Variants in IQSEC1 observed in about 807,000 individuals in gnomAD.
IQSEC1 encodes the protein IQ motif and SEC7 domain-containing protein 1.
A neutral mutation model predicts 91.0 loss-of-function variants in IQSEC1; 31 were observed. The observed-to-expected ratio is 0.34, with a 90% CI of 0.26 to 0.46. The LOEUF (loss-of-function observed/expected upper bound fraction) is 0.46, where lower values mean the gene tolerates loss of function less well. Among genes scored for constraint, IQSEC1 ranks in the 20% least tolerant of loss-of-function variants. The pLI is 1.00. For missense variants in IQSEC1, 1,388 were observed against 1,575.6 expected (o/e 0.88, Z 2.02); for synonymous variants, 699 against 662.6 (o/e 1.05, Z -0.84).
rs1702731899 is a variant in IQSEC1, at chr3:13,008,491, G to T, written c.23+64501C>A. Among the ~76,000 whole-genome samples the T allele has an allele frequency of 6.6e-6, 1 of 152,084 alleles. No individual in the cohort carries two copies. Among genetic ancestry groups the T allele is most frequent in the South Asian group, 2.1e-4 (1 of 4,822 alleles). On this transcript the variant is annotated intron_variant, in intron 1 of 13. Coordinates refer to ENST00000613206, the MANE Select transcript of IQSEC1 (RefSeq NM_001134382.3). This position sits in a 1 kb window ranked among gnomAD's most constrained non-coding sequence, Gnocchi z 4.1. ...TGCCACCTGGCTGGCCCCCATCTTTGCTAGCCACCTCCTTCTTGCTCTCAG... is the reference window on the plus strand; with the variant it reads ...TGCCACCTGGCTGGCCCCCATCTTTTCTAGCCACCTCCTTCTTGCTCTCAG...
At chr3:12,972,322 G>T (rs1700946488) in intron 1 of IQSEC1, among the ~76,000 whole-genome samples, 1 of 151,734 alleles carries the variant, frequency 6.6e-6, no homozygotes, top group South Asian at 2.1e-4. Context: ...AAAAAAAAAA[G>T]CCAGTGAAAT....
chr3:12,911,123 G>T (rs982782917), intron 10 of IQSEC1, among the ~76,000 whole-genome samples: 1 of 152,180 alleles, frequency 6.6e-6, no homozygotes, highest in Non-Finnish European at 1.5e-5. Context: ...TATGATGGGG[G>T]CCCTGTGGCA....
chr3:13,258,553 G>A (rs1363982432), intron 1 of IQSEC1, among the ~76,000 whole-genome samples: 2 of 151,992 alleles, frequency 1.3e-5, no homozygotes, highest in African/African-American at 4.8e-5. Flanking sequence ...GGACATGGTG[G>A]TATGTGCCTG....
At chr3:13,164,453 G>C (rs1260755598) in intron 1 of IQSEC1, among the ~76,000 whole-genome samples, 1 of 152,170 alleles carries the variant, frequency 6.6e-6, no homozygotes, top group Non-Finnish European at 1.5e-5. Context: ...CAGAGGAGGG[G>C]TCTATGGTTC....
chr3:13,180,539 G>C (rs1388176316), intron 1 of IQSEC1, among the ~76,000 whole-genome samples: 1 of 152,166 alleles, frequency 6.6e-6, no homozygotes, highest in Non-Finnish European at 1.5e-5. Flanking sequence ...AATAAAAGCA[G>C]GCTGCCCGAG....
rs144969281 is a variant in IQSEC1 at position 12,941,865 on chromosome 3, G to T, written c.24C>A (p.Phe8Leu). 1.3e-6 allele frequency: 2 copies of T among 1,587,388 alleles called. No homozygotes were observed. The highest frequency in any genetic ancestry group is 1.1e-5 in the South Asian group (1 of 88,498). Residue 8 changes from phenylalanine to leucine, a missense_variant and splice_region_variant, in exon 2 of 14, where the codon TTC becomes TTA. Physicochemically the swap from Phe to Leu is conservative, Grantham distance 22 (BLOSUM62 0). Coordinates refer to ENST00000613206, the MANE Select transcript of IQSEC1 (RefSeq NM_001134382.3). MACRRRYFVEGEAPSSET... is the reference protein window; with the variant it reads MACRRRYLVEGEAPSSET... ...CACTGCTGGGGGCCTCGCCCTCGAC[G>T]CTGCAGAGGAGAGAGAGGTGAGAAG...
chr3:13,181,732 GC>G (rs1239324639), intron 1 of IQSEC1, among the ~76,000 whole-genome samples: 5 of 152,204 alleles, frequency 3.3e-5, no homozygotes, highest in African/African-American at 9.7e-5. Context: ...CCAGCACCTA[GC>G]CCAGCAAAAG....
At chr3:12,962,914 GA>G in intron 1 of IQSEC1, among the ~76,000 whole-genome samples, 1 of 152,364 alleles carries the variant, frequency 6.6e-6, no homozygotes, top group East Asian at 1.9e-4. Flanking sequence ...GATACCTGGG[GA>G]TACCAGACAT....
At chr3:13,127,572 A>C (rs35914729) in intron 2 of IQSEC1, among the ~76,000 whole-genome samples, 59,201 of 151,428 alleles carry the variant, frequency 0.39, 12,945 homozygotes, top group African/African-American at 0.6. Context: ...CCTCCTATTT[A>C]TTTTTCTTTT....
chr3:13,252,795 C>A (rs573401194), intron 1 of IQSEC1, among the ~76,000 whole-genome samples: 1 of 152,134 alleles, frequency 6.6e-6, no homozygotes, highest in Non-Finnish European at 1.5e-5. Flanking sequence ...TAGAGTGGCA[C>A]AATCTCAGCT....
chr3:12,901,153 G>A lies in IQSEC1; in HGVS notation c.3175C>T (p.His1059Tyr). 6.5e-7 allele frequency: 1 copy of A among 1,544,268 alleles called. No individual in the cohort carries two copies. ...PQHIQHAHQY[H>Y]HGPHGGHPAY... ...GGGTGGCCCCCATGGGGGCCGTGGT[G>A]GTACTGGTGTGCGTGCTGGATGTGC... Residue 1059 changes from histidine to tyrosine, a missense_variant, in exon 14 of 14, where the codon CAC becomes TAC. Physicochemically the swap from His to Tyr is moderately conservative, Grantham distance 83. This residue lies in a region of IQSEC1 where 329 missense variants were observed against 257.8 expected (regional missense o/e 1.28). Coordinates refer to ENST00000613206, the MANE Select transcript of IQSEC1 (RefSeq NM_001134382.3).
intron 2 of IQSEC1, among the ~76,000 whole-genome samples, chr3:13,140,466 C>T (rs1379638373): frequency 6.6e-6 from 1 of 152,230 alleles, no homozygotes; most frequent in Non-Finnish European, 1.5e-5. Context: ...TGAACATAGG[C>T]CAGACCATCC....
At chr3:13,149,428 T>TG (rs1207168291) in intron 2 of IQSEC1, among the ~76,000 whole-genome samples, 14 of 28,104 alleles carry the variant, frequency 5.0e-4, no homozygotes, top group East Asian at 1.7e-3. Flanking sequence ...GGGGCCGGGG[T>TG]GGGGGGGCGG....
intron 1 of IQSEC1, among the ~76,000 whole-genome samples, chr3:13,176,645 G>A (rs995176672): frequency 1.7e-4 from 26 of 152,254 alleles, no homozygotes; most frequent in South Asian, 1.0e-3. Context: ...GAGACCAGCC[G>A]GCATCTTGAA....
rs113180602 is a variant in IQSEC1, at chr3:13,055,585, C to T, written c.23+17407G>A. 9.8e-3 allele frequency among the ~76,000 whole-genome samples: 1,496 copies of T among 152,320 alleles called. 17 individuals are homozygous for T. The highest frequency in any genetic ancestry group is 0.032 in the African/African-American group (1,320 of 41,572). On this transcript the variant is annotated intron_variant, in intron 1 of 13. Transcript: ENST00000613206. ...ACTCAAAGAGTGAATCAGACAGATG[C>T]CTTCACCACCCGTGTAGAGCAGGGG...
chr3:13,187,766 G>A (rs1324758688), intron 1 of IQSEC1, among the ~76,000 whole-genome samples: 2 of 152,188 alleles, frequency 1.3e-5, no homozygotes, highest in Admixed American at 1.3e-4. Flanking sequence ...ACAGTTCTGG[G>A]GGCTGGGAAG....
chr3:13,022,576 G>A, intron 1 of IQSEC1: 1 of 489,632 alleles, frequency 2.0e-6, no homozygotes. Context: ...GGATGGGAGA[G>A]GCGAGCTCAG....
chr3:13,255,397 C>G (rs1358256047), intron 1 of IQSEC1, among the ~76,000 whole-genome samples: 2 of 152,198 alleles, frequency 1.3e-5, no homozygotes, highest in African/African-American at 4.8e-5. Flanking sequence ...GGCTGGGGCT[C>G]CCACACGCAG....
rs774547675 is a variant in IQSEC1 at position 12,935,047 on chromosome 3, C to T, written c.1568+401G>A. On this transcript the variant is annotated intron_variant, in intron 3 of 13. Coordinates refer to ENST00000613206, the MANE Select transcript of IQSEC1 (RefSeq NM_001134382.3). This position sits in a 1 kb window ranked among gnomAD's most constrained non-coding sequence, Gnocchi z 8.0. ...TGCCCCTGCCCCCCACTGACACAAC[C>T]GGTCATACCCCTGCTCAAAGGCCTT... Among the ~76,000 whole-genome samples, 6 of 150,454 alleles carry T rather than the reference C, an allele frequency of 4.0e-5. No homozygotes were observed. In the South Asian group the frequency reaches 8.5e-4, roughly 21 times the overall value.
Sources: allele counts gnomAD v4.1 joint callset (sites outside exome capture counted in the v4.1 genomes callset), GRCh38; gene constraint gnomAD v4.1.1; regional missense constraint gnomAD v4.1.1; non-coding constraint Gnocchi (gnomAD v3.1); transcripts MANE v1.5; gene names NCBI Gene and HGNC (gene_info 2026-07-23, HGNC 2026-07-21).